The following VPS13B variants were observed in gnomAD, a reference collection of about 807,000 sequenced individuals.
The protein encoded by VPS13B is vacuolar protein sorting 13 homolog B.
VPS13B carries 285 observed loss-of-function variants against 426.4 expected under a neutral mutation model. The ratio of observed to expected loss-of-function variants is 0.67; its 90% CI spans 0.61 to 0.74. VPS13B has a LOEUF of 0.74. Ranked by LOEUF, VPS13B falls within the 30% of genes least tolerant of loss-of-function variation. The probability of loss-of-function intolerance (pLI) is 0.00; values close to 1 mark genes in which losing one functional copy is unlikely to be tolerated. For synonymous variants in VPS13B, 1,676 were observed against 1,676.4 expected (o/e 1.00, Z 0.01); for missense variants, 4,537 against 4,782.6 (o/e 0.95, Z 1.51).
At chr8:99,459,158 G>A (rs1304180373) in intron 23 of VPS13B, among the ~76,000 whole-genome samples, 1 of 152,062 alleles carries the variant, frequency 6.6e-6, no homozygotes, top group Non-Finnish European at 1.5e-5. Context: ...GTCTGTTTGG[G>A]AGATTGTTGC....
chr8:99,473,728 C>T (rs1233312688), intron 24 of VPS13B, among the ~76,000 whole-genome samples: 1 of 152,026 alleles, frequency 6.6e-6, no homozygotes, highest in Non-Finnish European at 1.5e-5. Context: ...AAACTGTTTG[C>T]ATGTAACATA....
intron 12 of VPS13B, 120 bp from the exon 13 acceptor site, chr8:99,142,854 A>G: frequency 1.0e-6 from 1 of 968,934 alleles, no homozygotes; most frequent in South Asian, 1.7e-5. Context: ...TATGCAGCTG[A>G]TTGGGAATTT....
chr8:99,590,017 CT>C (rs2133836150), intron 33 of VPS13B, among the ~76,000 whole-genome samples: 1 of 152,186 alleles, frequency 6.6e-6, no homozygotes, highest in East Asian at 1.9e-4. Context: ...ATTTCAGAGC[CT>C]GTTATTGGTC....
At position 99,835,665 on chromosome 8, in the gene VPS13B, T is replaced by TGA; in HGVS notation, c.9873_9874dup (p.Val3292GlufsTer5). The stretch of plus-strand genomic sequence containing the variant: ...AAAGACTTACTTCCAAGCCTACTTT[T>TGA]GAGAGTTGAACCTCTAGATGAAGTA... On this transcript the variant is annotated frameshift_variant, in exon 54 of 62. Transcript: ENST00000357162. LOFTEE classifies it high-confidence loss of function. The TGA allele has an allele frequency of 7.4e-6, 12 of 1,614,186 alleles. No homozygotes were observed. The highest frequency in any genetic ancestry group is 1.0e-5 in the Non-Finnish European group (12 of 1,180,020).
chr8:99,521,223 G>A (rs1822366012), intron 30 of VPS13B, among the ~76,000 whole-genome samples: 1 of 152,110 alleles, frequency 6.6e-6, no homozygotes, highest in Non-Finnish European at 1.5e-5. Flanking sequence ...ATAACAGAAT[G>A]TAAGTACTAA....
At chr8:99,748,537 A>G (rs1013838163) in intron 39 of VPS13B, among the ~76,000 whole-genome samples, 8 of 152,044 alleles carry the variant, frequency 5.3e-5, no homozygotes, top group Non-Finnish European at 1.0e-4. Flanking sequence ...GGTATGTATA[A>G]GGTTAAGAGT....
chr8:99,845,978 T>C (rs191449255), intron 54 of VPS13B, among the ~76,000 whole-genome samples: 55 of 152,300 alleles, frequency 3.6e-4, no homozygotes, highest in Middle Eastern at 3.4e-3. Flanking sequence ...CTTTAGCCCA[T>C]TGGCCAAAAC....
chr8:99,532,061 A>G (rs139438802), intron 30 of VPS13B, among the ~76,000 whole-genome samples: 1 of 152,086 alleles, frequency 6.6e-6, no homozygotes, highest in Non-Finnish European at 1.5e-5. Flanking sequence ...TTTCATCTTT[A>G]ACTTGAGAGA....
In VPS13B at chr8:99,875,420, A is replaced by AGAT. The variant is rs386834068; in HGVS notation, c.11750_11752dup (p.Asp3917dup). Reference sequence around the variant, plus strand: ...TCTTTATTATTTTTGGATCCTAGGTAGATGGAGTCCGAGAGAGACTGTCAG... The same window carrying AGAT: ...TCTTTATTATTTTTGGATCCTAGGTAGATGATGGAGTCCGAGAGAGACTGTCAG... On this transcript the variant is annotated inframe_insertion, in exon 62 of 62. Transcript: ENST00000357162. The AGAT allele has an allele frequency of 3.4e-4, 552 of 1,614,196 alleles. 1 individual carries two copies. In the African/African-American group the frequency reaches 4.4e-3, roughly 13 times the overall value.
In VPS13B at chr8:99,262,402, T is replaced by C. The variant is rs1391564927; in HGVS notation, c.2516-11796T>C. On this transcript the variant is annotated intron_variant, in intron 17 of 61. Transcript: ENST00000357162. The stretch of plus-strand genomic sequence containing the variant: ...GTGCTGTCTCTTAAAGTTTCTCTTT[T>C]CAGAGGGAGATTTTTACAGTCTTTG... Among the ~76,000 whole-genome samples, 5 of 152,314 alleles carry C rather than the reference T, an allele frequency of 3.3e-5. No homozygotes were observed. The East Asian group carries it at 7.7e-4, about 23-fold the overall frequency.
chr8:99,302,871 T>C (rs1033233869), intron 19 of VPS13B, among the ~76,000 whole-genome samples: 4 of 152,162 alleles, frequency 2.6e-5, no homozygotes, highest in Admixed American at 6.5e-5. Context: ...ACGGTTTCTA[T>C]TGAACGCATA....
intron 36 of VPS13B, among the ~76,000 whole-genome samples, chr8:99,711,182 G>A (rs994055764): frequency 6.6e-6 from 1 of 152,100 alleles, no homozygotes; most frequent in Non-Finnish European, 1.5e-5. Context: ...TTCCCTCATT[G>A]AGGAATGGAG....
At chr8:99,763,425 A>G (rs1811049964) in intron 39 of VPS13B, among the ~76,000 whole-genome samples, 2 of 152,222 alleles carry the variant, frequency 1.3e-5, no homozygotes, top group African/African-American at 4.8e-5. Flanking sequence ...AAGCTTAGCC[A>G]AATAGAAATC....
At chr8:99,245,232 G>A (rs1228061995) in intron 17 of VPS13B, among the ~76,000 whole-genome samples, 1 of 152,172 alleles carries the variant, frequency 6.6e-6, no homozygotes, top group Non-Finnish European at 1.5e-5. Context: ...TTTTTCAGTG[G>A]TGATAGTGAC....
chr8:99,106,057 A>G (rs558413291), intron 5 of VPS13B, among the ~76,000 whole-genome samples: 1 of 152,084 alleles, frequency 6.6e-6, no homozygotes, highest in South Asian at 2.1e-4. Context: ...AGAAACTATT[A>G]TTTTCCCTTT....
intron 33 of VPS13B, among the ~76,000 whole-genome samples, chr8:99,587,794 T>A (rs553579185): frequency 1.9e-4 from 29 of 151,824 alleles, no homozygotes; most frequent in Non-Finnish European, 2.5e-4. Context: ...TGATGGTAGT[T>A]TCTTTTGCTG....
intron 25 of VPS13B, among the ~76,000 whole-genome samples, chr8:99,482,736 A>G (rs1213728377): frequency 6.6e-6 from 1 of 152,186 alleles, no homozygotes; most frequent in Non-Finnish European, 1.5e-5. Context: ...TGAAGAAAAA[A>G]GTGTTTAGAT....
chr8:99,649,098 G>A (rs1159440251), intron 34 of VPS13B, among the ~76,000 whole-genome samples: 2 of 151,948 alleles, frequency 1.3e-5, no homozygotes, highest in Admixed American at 6.6e-5. Flanking sequence ...TCCAATTACT[G>A]TTTCCATATT....
chr8:99,200,873 A>AT (rs1814276060), intron 17 of VPS13B, among the ~76,000 whole-genome samples: 1 of 151,592 alleles, frequency 6.6e-6, no homozygotes, highest in Non-Finnish European at 1.5e-5. Flanking sequence ...CTTTTGTCTA[A>AT]TTTTTTTCAT....
Sources: allele counts gnomAD v4.1 joint callset (sites outside exome capture counted in the v4.1 genomes callset), GRCh38; gene constraint gnomAD v4.1.1; transcripts MANE v1.5; gene names NCBI Gene and HGNC (gene_info 2026-07-23, HGNC 2026-07-21).